The following NR5A2 variants were observed in gnomAD, a reference collection of about 807,000 sequenced individuals.
The protein encoded by NR5A2 is nuclear receptor subfamily 5 group A member 2, also known as CYP7A promoter-binding factor.
A neutral mutation model predicts 62.7 loss-of-function variants in NR5A2; 26 were observed. The observed-to-expected ratio is 0.41, with a 90% confidence interval of 0.30 to 0.58. NR5A2 has a LOEUF of 0.58. Among genes scored for constraint, NR5A2 ranks in the 20% least tolerant of loss-of-function variants. The pLI is 0.22. For synonymous variants in NR5A2, 246 were observed against 241.7 expected (o/e 1.02, Z -0.16); for missense variants, 541 against 669.1 (o/e 0.81, Z 2.11).
At position 200,164,961 on chromosome 1, in the gene NR5A2, C is replaced by T. The variant is rs181286654; in HGVS notation, c.1379-9002C>T. On this transcript the variant is annotated intron_variant, in intron 7 of 7. Transcript: ENST00000367362. ...GCACAATCTCAGCTCACTGCAACCT[C>T]CAACTCCCGGATTCAAGTGATTCTC... Among the ~76,000 whole-genome samples, 197 of 149,266 alleles carry T rather than the reference C, an allele frequency of 1.3e-3. 1 individual carries two copies. Among genetic ancestry groups the T allele is most frequent in the Middle Eastern group, 3.5e-3 (1 of 288 alleles).
At chr1:200,127,118 G>A (rs1038694453) in intron 7 of NR5A2, among the ~76,000 whole-genome samples, 2 of 152,110 alleles carry the variant, frequency 1.3e-5, no homozygotes, top group African/African-American at 4.8e-5. Context: ...AAAACTAGAT[G>A]ATTTATCCAA....
chr1:200,028,458 C>T (rs1038860488), intron 1 of NR5A2, among the ~76,000 whole-genome samples: 2 of 147,414 alleles, frequency 1.4e-5, no homozygotes, highest in African/African-American at 5.0e-5. Context: ...AAAAACTAGA[C>T]CATCATTAGT....
chr1:200,054,387 A>G (rs929342775), intron 5 of NR5A2, among the ~76,000 whole-genome samples: 1 of 151,956 alleles, frequency 6.6e-6, no homozygotes, highest in African/African-American at 2.4e-5. Flanking sequence ...TGTGTCTTGA[A>G]TATCTCACAA....
At chr1:200,032,345 G>A (rs982588785) in intron 1 of NR5A2, among the ~76,000 whole-genome samples, 4 of 152,220 alleles carry the variant, frequency 2.6e-5, no homozygotes, top group African/African-American at 7.2e-5. Context: ...CAGGCAAGCT[G>A]ATAAAGGTTG....
rs61755054 is a variant in NR5A2, at chr1:200,048,706, G to A, written c.998G>A (p.Arg333Gln). The change falls in exon 5 of 8, where the codon CGA becomes CAA. Residue 333 changes from arginine to glutamine, a missense_variant. By Grantham distance (43) the Arg-to-Gln change is conservative. Coordinates refer to ENST00000367362, the MANE Select transcript of NR5A2 (RefSeq NM_205860.3). This position sits in a 1 kb window ranked among gnomAD's most constrained non-coding sequence, Gnocchi z 4.8. ...TATTTGCAGCAAGAGCAGGCTAACC[G>A]AAGCAAGCACGAAAAGCTGAGCACC... is the stretch of plus-strand genomic sequence containing the variant. ...MAYLQQEQAN[R>Q]SKHEKLSTFG... The A allele has an allele frequency of 2.3e-5, 37 of 1,614,028 alleles. No individual in the cohort carries two copies. Among genetic ancestry groups the A allele is most frequent in the African/African-American group, 2.3e-4 (17 of 74,902 alleles).
chr1:200,051,498 A>T (rs1662631090), intron 5 of NR5A2, among the ~76,000 whole-genome samples: 2 of 152,254 alleles, frequency 1.3e-5, no homozygotes, highest in Non-Finnish European at 2.9e-5. Flanking sequence ...GTGTTGTTTA[A>T]TGCATTTATC....
At chr1:200,043,193 G>C (rs1256689708) in intron 2 of NR5A2, among the ~76,000 whole-genome samples, 1 of 152,172 alleles carries the variant, frequency 6.6e-6, no homozygotes, top group Non-Finnish European at 1.5e-5. Context: ...TGAATGTTTC[G>C]ATTATCTAAC....
intron 5 of NR5A2, among the ~76,000 whole-genome samples, chr1:200,103,477 T>A (rs1665494417): frequency 1.3e-5 from 2 of 151,948 alleles, no homozygotes; most frequent in African/African-American, 4.8e-5. Context: ...TTCCCAATAG[T>A]GGTAGTAGAA....
chr1:200,040,276 ATG>A (rs1662003430), intron 2 of NR5A2, among the ~76,000 whole-genome samples: 2 of 152,138 alleles, frequency 1.3e-5, no homozygotes, highest in African/African-American at 4.8e-5. Flanking sequence ...ATTAGAATAC[ATG>A]TGACCACACC....
chr1:200,048,808 G>A lies in NR5A2; in HGVS notation c.1100G>A (p.Arg367Lys). The change falls in exon 5 of 8, where the codon AGA becomes AAA. Residue 367 changes from arginine (R) to lysine (K), a missense_variant. This residue lies in a region of NR5A2 where 379 missense variants were observed against 442.0 expected (regional missense o/e 0.86). Transcript: ENST00000367362. This position sits in a 1 kb window ranked among gnomAD's most constrained non-coding sequence, Gnocchi z 4.8. ...VEWARSSIFF[R>K]ELKVDDQMKL... ...TGGGCCAGGAGTAGTATCTTCTTCA[G>A]AGAACTTAAGGTATGCCACCAGCTA... 1 of 1,613,880 alleles carries A rather than the reference G, an allele frequency of 6.2e-7. No homozygotes were observed. The highest frequency in any genetic ancestry group is 8.5e-7 in the Non-Finnish European group (1 of 1,179,728).
At chr1:200,057,510 A>C in intron 5 of NR5A2, 1 of 240,302 alleles carries the variant, frequency 4.2e-6, no homozygotes. Context: ...ACAGGGTCTC[A>C]CTCTGTCGCC....
chr1:200,028,352 T>C (rs576683696), intron 1 of NR5A2, among the ~76,000 whole-genome samples: 33 of 151,342 alleles, frequency 2.2e-4, no homozygotes, highest in South Asian at 1.9e-3. Context: ...AAGTATGGTG[T>C]CTTATTCTCT....
At position 200,039,766 on chromosome 1, in the gene NR5A2, A is replaced by T. The variant is rs913919968; in HGVS notation, c.173A>T (p.Glu58Val). Residue 58 changes from glutamate to valine, a missense_variant, in exon 2 of 8, where the codon GAA becomes GTA. Glu to Val is a moderately radical substitution (Grantham distance 121). Around this residue, in one of 3 missense-constraint regions of NR5A2, gnomAD observed 108 missense variants for 103.3 expected, o/e 1.05. Transcript: ENST00000367362. This position sits in a 1 kb window ranked among gnomAD's most constrained non-coding sequence, Gnocchi z 5.1. ...CTGGGACTGGCTCGATCGCATGGGGAACAGGGCCAGATGCCGGAAAACATG... is the reference window on the plus strand; with the variant it reads ...CTGGGACTGGCTCGATCGCATGGGGTACAGGGCCAGATGCCGGAAAACATG... ...EALGLARSHGEQGQMPENMQV... is the reference protein window; with the variant it reads ...EALGLARSHGVQGQMPENMQV... 1 of 1,609,056 alleles carries T rather than the reference A, an allele frequency of 6.2e-7. No individual in the cohort carries two copies. Among genetic ancestry groups the T allele is most frequent in the South Asian group, 1.1e-5 (1 of 90,806 alleles).
chr1:200,125,553 C>T (rs1021741409), intron 7 of NR5A2, among the ~76,000 whole-genome samples: 2 of 152,182 alleles, frequency 1.3e-5, no homozygotes, highest in Non-Finnish European at 2.9e-5. Flanking sequence ...GTCACCTGAT[C>T]CTCATCTGCA....
intron 5 of NR5A2, among the ~76,000 whole-genome samples, chr1:200,072,448 C>G (rs930190745): frequency 1.3e-5 from 2 of 151,882 alleles, no homozygotes; most frequent in African/African-American, 2.4e-5. Context: ...AATGTGACAC[C>G]CTTTTAATCA....
chr1:200,032,697 T>C (rs1661592332), intron 1 of NR5A2, among the ~76,000 whole-genome samples: 1 of 152,172 alleles, frequency 6.6e-6, no homozygotes, highest in African/African-American at 2.4e-5. Flanking sequence ...CGTAATATAT[T>C]TCTTTCCTGG....
intron 6 of NR5A2, among the ~76,000 whole-genome samples, chr1:200,117,673 G>A (rs1354537850): frequency 6.6e-6 from 1 of 151,738 alleles, no homozygotes; most frequent in Non-Finnish European, 1.5e-5. Flanking sequence ...TTTCATTTTA[G>A]TATGGTCTTC....
chr1:200,076,743 T>G (rs1664058333), intron 5 of NR5A2, among the ~76,000 whole-genome samples: 1 of 152,186 alleles, frequency 6.6e-6, no homozygotes, highest in Non-Finnish European at 1.5e-5. Flanking sequence ...CTTAGCATTT[T>G]TGTTAATAAT....
intron 7 of NR5A2, among the ~76,000 whole-genome samples, chr1:200,134,161 A>G (rs1207787527): frequency 1.3e-5 from 2 of 152,240 alleles, no homozygotes. Context: ...TAACAAAGGT[A>G]TAGTAAGCTA....
Sources: gnomAD v4.1 joint callset for allele counts (sites outside exome capture counted in the v4.1 genomes callset) on GRCh38, gnomAD v4.1.1 for gene constraint, gnomAD v4.1.1 regional missense constraint, Gnocchi (gnomAD v3.1) non-coding constraint, MANE v1.5 for transcripts, NCBI Gene and HGNC (gene_info 2026-07-23, HGNC 2026-07-21) for gene names.